The following ICA1 variants were observed in gnomAD, a reference collection of about 807,000 sequenced individuals.
ICA1 encodes 69 kDa islet cell autoantigen.
Under a neutral mutation model 71.0 loss-of-function variants are expected in ICA1, and 40 were observed. That is an observed-to-expected ratio of 0.56 (90% confidence interval 0.44 to 0.73). The LOEUF is 0.73. Among genes scored for constraint, ICA1 ranks in the 30% least tolerant of loss-of-function variants. The probability of loss-of-function intolerance (pLI) is 0.00; values close to 1 mark genes in which losing one functional copy is unlikely to be tolerated. For missense variants in ICA1, 578 were observed against 576.5 expected (o/e 1.00, Z -0.03); for synonymous variants, 207 against 209.5 (o/e 0.99, Z 0.10).
chr7:8,254,650 T>C (rs1001883828), intron 1 of ICA1, among the ~76,000 whole-genome samples: 1 of 151,504 alleles, frequency 6.6e-6, no homozygotes, highest in African/African-American at 2.4e-5. Flanking sequence ...ACAGGGATAT[T>C]GGGCATGTAC....
intron 9 of ICA1, 90 bp downstream of exon 9, chr7:8,143,785 G>A (rs577160943): frequency 2.5e-5 from 20 of 788,284 alleles, no homozygotes; most frequent in East Asian, 5.0e-5. Context: ...ACAAGTCTGC[G>A]TCTGAGGCCC....
At chr7:8,188,535 C>A (rs1043142728) in intron 6 of ICA1, among the ~76,000 whole-genome samples, 5 of 152,186 alleles carry the variant, frequency 3.3e-5, no homozygotes, top group African/African-American at 4.8e-5. Context: ...CTTTGAATCA[C>A]TTCGATTGTT....
chr7:8,171,227 C>T (rs1466716926), intron 6 of ICA1, among the ~76,000 whole-genome samples: 1 of 57,992 alleles, frequency 1.7e-5, no homozygotes, highest in Non-Finnish European at 6.2e-5. Context: ...GATATTATTT[C>T]TTCCGTATAT....
chr7:8,158,214 G>A (rs189360430), intron 7 of ICA1: 7 of 280,228 alleles, frequency 2.5e-5, no homozygotes, highest in African/African-American at 4.4e-5. Context: ...TGAAAAAGGC[G>A]TGACATTCTG....
chr7:8,221,352 T>C lies in ICA1; in HGVS notation c.303A>G (p.Gln101=), dbSNP rs1355198938. ...CTGCTCTGGTTTTATCTTGGAAACC[T>C]TGGGATCGAAGAAATTTTCCCAGTT... ...ENELGKFLRS[Q]GFQDKTRAGK... The change falls in exon 5 of 14, where the codon CAA becomes CAG. Residue 101 remains glutamine (Q), a synonymous_variant. Transcript: ENST00000402384. The C allele has an allele frequency of 3.1e-6, 5 of 1,613,492 alleles. No homozygotes were observed. The highest frequency in any genetic ancestry group is 4.2e-6 in the Non-Finnish European group (5 of 1,179,664).
intron 13 of ICA1, chr7:8,116,353 T>G (rs1784795126): frequency 1.3e-5 from 2 of 152,160 alleles, no homozygotes; most frequent in Admixed American, 6.5e-5. Flanking sequence ...GCATATCAGA[T>G]CTAGTGAAGA....
chr7:8,118,817 C>G (rs1785646546), intron 13 of ICA1, among the ~76,000 whole-genome samples: 1 of 152,188 alleles, frequency 6.6e-6, no homozygotes, highest in South Asian at 2.1e-4. Context: ...GCAGCTTGCC[C>G]TCAGTCTCTC....
At chr7:8,207,566 T>G (rs1384470198) in intron 6 of ICA1, among the ~76,000 whole-genome samples, 1 of 152,178 alleles carries the variant, frequency 6.6e-6, no homozygotes, top group Non-Finnish European at 1.5e-5. Context: ...TTAAAGCTGT[T>G]TTCTGTTTAA....
In ICA1 at chr7:8,233,726, T is replaced by C. The variant is rs190267684; in HGVS notation, c.18-971A>G. ...GTGCCTATTGTTAACAATACTGTAT[T>C]GTGCACCTAAAATTTAAGACGGTTG... On this transcript the variant is annotated intron_variant, in intron 2 of 13. Transcript: ENST00000402384. Among the ~76,000 whole-genome samples, 3 of 152,216 alleles carry C rather than the reference T, an allele frequency of 2.0e-5. No homozygotes were observed. The East Asian group carries it at 5.8e-4, about 29-fold the overall frequency.
chr7:8,143,280 G>C (rs1017251258), intron 9 of ICA1, among the ~76,000 whole-genome samples: 20 of 152,170 alleles, frequency 1.3e-4, no homozygotes, highest in Non-Finnish European at 2.5e-4. Context: ...ATGACAAGAG[G>C]CACCTTCTTT....
chr7:8,142,424 T>A (rs1226965488), intron 9 of ICA1, among the ~76,000 whole-genome samples: 2 of 152,266 alleles, frequency 1.3e-5, no homozygotes, highest in Non-Finnish European at 2.9e-5. Context: ...AAATAGTTAC[T>A]GGGTTATACT....
At position 8,141,921 on chromosome 7, in the gene ICA1, TACACCAC is replaced by T. The variant is rs1562626968; in HGVS notation, c.903-111_903-105del. The T allele has an allele frequency of 2.6e-6, 3 of 1,146,562 alleles. No homozygotes were observed. In the South Asian group the frequency reaches 4.3e-5, roughly 16 times the overall value. The allele number at this position is 1,146,562 out of a possible 1,614,324, so 71.0% of individuals were successfully genotyped here. ...TTACTTCACTTTTAACACAAACACA[TACACCAC>T]ACACACGCACACGAAGAAGGGTCAA... On this transcript the variant is annotated intron_variant, in intron 9 of 13. Coordinates refer to ENST00000402384, the MANE Select transcript of ICA1 (RefSeq NM_001136020.3).
At position 8,221,267 on chromosome 7, in the gene ICA1, C is replaced by T. The variant is rs1023054224; in HGVS notation, c.380+8G>A. Reference sequence around the variant, plus strand: ...CCCCCAGATAGAACCCCACTAAAGGCCACACACCTTTGCTGGGAAGAAAAG... The same window carrying T: ...CCCCCAGATAGAACCCCACTAAAGGTCACACACCTTTGCTGGGAAGAAAAG... On this transcript the variant is annotated splice_region_variant and intron_variant, in intron 5 of 13. Transcript: ENST00000402384. 3.1e-6 allele frequency: 5 copies of T among 1,613,224 alleles called. No individual in the cohort carries two copies. Among genetic ancestry groups the T allele is most frequent in the Middle Eastern group, 3.3e-4 (2 of 6,050 alleles).
chr7:8,251,987 G>C (rs1241947645), intron 1 of ICA1, among the ~76,000 whole-genome samples: 2 of 151,988 alleles, frequency 1.3e-5, no homozygotes, highest in African/African-American at 4.8e-5. Context: ...ATAACAAAGA[G>C]GTAGGTATTT....
rs569360677 is a variant in ICA1 at position 8,117,029 on chromosome 7, C to T, written c.1331-2985G>A. ...GGTAACTGAATCATGGGGATGGTTT[C>T]CCCCATGCTGTTCTCCTGATAGTGA... is the stretch of plus-strand genomic sequence containing the variant. On this transcript the variant is annotated intron_variant, in intron 13 of 13. Transcript: ENST00000402384. Among the ~76,000 whole-genome samples the T allele has an allele frequency of 2.6e-5, 4 of 152,232 alleles. No homozygotes were observed. The East Asian group carries it at 5.8e-4, about 22-fold the overall frequency.
intron 13 of ICA1, among the ~76,000 whole-genome samples, chr7:8,119,007 C>T (rs1229356166): frequency 1.3e-5 from 2 of 152,212 alleles, no homozygotes; most frequent in African/African-American, 4.8e-5. Flanking sequence ...GTTTGGGAAG[C>T]ACTTCCTCAG....
At chr7:8,126,055 AG>A (rs769191823) in intron 13 of ICA1, among the ~76,000 whole-genome samples, 1 of 152,194 alleles carries the variant, frequency 6.6e-6, no homozygotes, top group Non-Finnish European at 1.5e-5. Context: ...TTGCCTGCTC[AG>A]GAAGTGGGCG....
intron 6 of ICA1, among the ~76,000 whole-genome samples, chr7:8,159,641 A>C (rs1178964993): frequency 6.6e-6 from 1 of 152,142 alleles, no homozygotes; most frequent in Admixed American, 6.5e-5. Flanking sequence ...TGGAGGTTGC[A>C]GTGAGCCAAG....
intron 13 of ICA1, among the ~76,000 whole-genome samples, chr7:8,125,863 A>G (rs1788970083): frequency 6.6e-6 from 1 of 152,164 alleles, no homozygotes; most frequent in Non-Finnish European, 1.5e-5. Flanking sequence ...CCGTAGCATG[A>G]GCTTGTGTTT....
Sources: gnomAD v4.1 joint callset for allele counts (sites outside exome capture counted in the v4.1 genomes callset) on GRCh38, gnomAD v4.1.1 for gene constraint, MANE v1.5 for transcripts, NCBI Gene and HGNC (gene_info 2026-07-23, HGNC 2026-07-21) for gene names.